Variants in PDZRN4 observed in about 807,000 individuals in gnomAD.
PDZRN4 encodes PDZ domain-containing RING finger protein 4.
PDZRN4 carries 70 observed loss-of-function variants against 99.0 expected under a neutral mutation model. The observed-to-expected ratio is 0.71, with a 90% CI of 0.58 to 0.86. PDZRN4 has a LOEUF of 0.86. Among genes scored for constraint, PDZRN4 ranks in the 40% least tolerant of loss-of-function variants. The pLI is 0.00. For missense variants in PDZRN4, 1,474 were observed against 1,331.2 expected (o/e 1.11, Z -1.67); for synonymous variants, 551 against 501.6 (o/e 1.10, Z -1.32).
At chr12:41,391,320 C>T (rs557622137) in intron 3 of PDZRN4, among the ~76,000 whole-genome samples, 1 of 152,258 alleles carries the variant, frequency 6.6e-6, no homozygotes, top group Admixed American at 6.5e-5. Context: ...GAAAAGCTGT[C>T]ATAAGCAATT....
intron 3 of PDZRN4, among the ~76,000 whole-genome samples, chr12:41,221,185 A>G (rs1424569360): frequency 1.3e-5 from 2 of 152,214 alleles, no homozygotes; most frequent in African/African-American, 4.8e-5. Context: ...TGGACTGGGA[A>G]CACCCACTTC....
chr12:41,358,805 C>T (rs1209639427), intron 3 of PDZRN4, among the ~76,000 whole-genome samples: 1 of 151,966 alleles, frequency 6.6e-6, no homozygotes, highest in African/African-American at 2.4e-5. Context: ...TTTGCATGCT[C>T]ATTTACATAT....
intron 3 of PDZRN4, among the ~76,000 whole-genome samples, chr12:41,196,080 A>G (rs1950770110): frequency 6.6e-6 from 1 of 152,172 alleles, no homozygotes; most frequent in South Asian, 2.1e-4. Flanking sequence ...TTGTCATACA[A>G]CAATTTGGTT....
intron 3 of PDZRN4, among the ~76,000 whole-genome samples, chr12:41,248,277 C>T (rs1355879318): frequency 6.6e-6 from 1 of 152,082 alleles, no homozygotes; most frequent in Non-Finnish European, 1.5e-5. Flanking sequence ...GCTTACAAAC[C>T]TAAATCTTAT....
chr12:41,542,042 T>A (rs1449613138), intron 5 of PDZRN4, among the ~76,000 whole-genome samples: 1 of 152,228 alleles, frequency 6.6e-6, no homozygotes, highest in Non-Finnish European at 1.5e-5. Flanking sequence ...TGATAACAGA[T>A]GTAACCAAGA....
intron 5 of PDZRN4, among the ~76,000 whole-genome samples, chr12:41,529,003 A>G (rs553988294): frequency 1.3e-3 from 199 of 152,012 alleles, no homozygotes; most frequent in Non-Finnish European, 2.0e-3. Context: ...ATTTTATAGT[A>G]CTCAAATTGG....
intron 3 of PDZRN4, among the ~76,000 whole-genome samples, chr12:41,487,933 T>C (rs1241740854): frequency 6.6e-6 from 1 of 152,202 alleles, no homozygotes; most frequent in Non-Finnish European, 1.5e-5. Flanking sequence ...AAAACACATA[T>C]GTATGTATCC....
chr12:41,414,491 G>A (rs900054919), intron 3 of PDZRN4, among the ~76,000 whole-genome samples: 12 of 151,212 alleles, frequency 7.9e-5, no homozygotes, highest in Admixed American at 2.0e-4. Context: ...ACATAATCTC[G>A]TATTTCTCAG....
chr12:41,321,288 G>T (rs963773715), intron 3 of PDZRN4, among the ~76,000 whole-genome samples: 1 of 152,106 alleles, frequency 6.6e-6, no homozygotes, highest in Non-Finnish European at 1.5e-5. Flanking sequence ...CTGCCTCAAT[G>T]GCACAGAAAT....
intron 5 of PDZRN4, among the ~76,000 whole-genome samples, chr12:41,549,356 C>T (rs1335494697): frequency 1.3e-5 from 2 of 152,182 alleles, no homozygotes; most frequent in Non-Finnish European, 2.9e-5. Flanking sequence ...GAATTCCTTT[C>T]AGATAATCAA....
In PDZRN4 at chr12:41,188,365, G is replaced by A. The variant is rs1950706964; in HGVS notation, c.-91G>A. Reference sequence around the variant, plus strand: ...CCTCCCTCCACTGCCGCCGCCGCGAGACGGCTGCCCCGGGGGTGGCCCGGG... The same window carrying A: ...CCTCCCTCCACTGCCGCCGCCGCGAAACGGCTGCCCCGGGGGTGGCCCGGG... On this transcript the variant is annotated 5_prime_UTR_variant, in exon 1 of 10. Transcript: ENST00000402685. 7.8e-7 allele frequency: 1 copy of A among 1,276,260 alleles called. No homozygotes were observed. The highest frequency in any genetic ancestry group is 1.0e-6 in the Non-Finnish European group (1 of 959,688). The allele number at this position is 1,276,260 out of a possible 1,614,324, so 79.1% of individuals were successfully genotyped here. A position where few individuals can be genotyped will look rare whatever the true frequency, so the allele number is the denominator to read the frequency against.
At chr12:41,468,935 G>A (rs1952958148) in intron 3 of PDZRN4, among the ~76,000 whole-genome samples, 1 of 151,746 alleles carries the variant, frequency 6.6e-6, no homozygotes, top group African/African-American at 2.4e-5. Flanking sequence ...CTTGAACCCA[G>A]TAGGTGGAAG....
At position 41,222,292 on chromosome 12, in the gene PDZRN4, G is replaced by T. The variant is rs1000798757; in HGVS notation, c.843+28104G>T. Among the ~76,000 whole-genome samples the T allele has an allele frequency of 2.0e-5, 3 of 152,086 alleles. 1 individual carries two copies. In the South Asian group the frequency reaches 6.2e-4, roughly 32 times the overall value. ...TTTAACTTTTTAAAAAAATGTTTGT[G>T]CACATTTTGGAATGTCCTTTTCGGC... is the stretch of plus-strand genomic sequence containing the variant. On this transcript the variant is annotated intron_variant, in intron 3 of 9. Coordinates refer to ENST00000402685, the MANE Select transcript of PDZRN4 (RefSeq NM_001164595.2).
intron 3 of PDZRN4, among the ~76,000 whole-genome samples, chr12:41,354,764 C>A (rs963408640): frequency 2.6e-5 from 4 of 152,026 alleles, no homozygotes; most frequent in African/African-American, 9.7e-5. Context: ...AGAGTTTTAA[C>A]CCCATTCAAT....
At chr12:41,446,617 C>T (rs1453846806) in intron 3 of PDZRN4, among the ~76,000 whole-genome samples, 1 of 151,558 alleles carries the variant, frequency 6.6e-6, no homozygotes, top group Non-Finnish European at 1.5e-5. Flanking sequence ...GTGCTCAGAA[C>T]TCTGCTAGAT....
chr12:41,514,294 G>A (rs1315112914), intron 5 of PDZRN4, among the ~76,000 whole-genome samples: 1 of 151,960 alleles, frequency 6.6e-6, no homozygotes, highest in African/African-American at 2.4e-5. Context: ...GCTGAGAAGT[G>A]TCATTTTGCA....
At chr12:41,507,568 T>A (rs1296288546) in intron 4 of PDZRN4, among the ~76,000 whole-genome samples, 1 of 152,088 alleles carries the variant, frequency 6.6e-6, no homozygotes, top group Non-Finnish European at 1.5e-5. Flanking sequence ...CCCGTTTCAG[T>A]GGGTCACAGA....
At chr12:41,446,270 G>A (rs1952727822) in intron 3 of PDZRN4, among the ~76,000 whole-genome samples, 1 of 53,240 alleles carries the variant, frequency 1.9e-5, no homozygotes, top group South Asian at 6.1e-4. Context: ...TATTTATTTT[G>A]GAAACTTGCT....
intron 5 of PDZRN4, among the ~76,000 whole-genome samples, chr12:41,539,951 A>G (rs2120763937): frequency 6.6e-6 from 1 of 152,316 alleles, no homozygotes; most frequent in Non-Finnish European, 1.5e-5. Flanking sequence ...CTAGAATTTT[A>G]TTGCCAGTAC....
Sources: allele counts gnomAD v4.1 joint callset (sites outside exome capture counted in the v4.1 genomes callset), GRCh38; gene constraint gnomAD v4.1.1; transcripts MANE v1.5; gene names NCBI Gene and HGNC (gene_info 2026-07-23, HGNC 2026-07-21).